The following EPB41 variants were observed in gnomAD, a reference collection of about 807,000 sequenced individuals.
EPB41 encodes erythrocyte membrane protein band 4.1.
EPB41 carries 65 observed loss-of-function variants against 108.0 expected under a neutral mutation model. That is an observed-to-expected ratio of 0.60 (90% CI 0.49 to 0.74). EPB41 has a LOEUF of 0.74. Among genes scored for constraint, EPB41 ranks in the 30% least tolerant of loss-of-function variants. EPB41 has a pLI of 0.00. For missense variants in EPB41, 875 were observed against 1,037.0 expected (o/e 0.84, Z 2.15); for synonymous variants, 336 against 358.9 (o/e 0.94, Z 0.72).
At chr1:28,966,209 A>G (rs2095354086) in intron 1 of EPB41, among the ~76,000 whole-genome samples, 1 of 151,962 alleles carries the variant, frequency 6.6e-6, no homozygotes, top group Non-Finnish European at 1.5e-5. Flanking sequence ...AGAAAAAATT[A>G]TTTTGTAATT....
In EPB41 at chr1:29,109,418, C is replaced by T; in HGVS notation, c.2396C>T (p.Thr799Ile). The change falls in exon 18 of 21, where the codon ACC becomes ATC. Residue 799 changes from threonine (T) to isoleucine (I), a missense_variant. Around this residue, in one of 3 missense-constraint regions of EPB41, gnomAD observed 519 missense variants for 627.3 expected, o/e 0.83. Transcript: ENST00000343067. Reference sequence around the variant, plus strand: ...ACATCTGAGACCCCAAGCAGCACCACCACAACTCAAATTACCAAGGTAACA... The same window carrying T: ...ACATCTGAGACCCCAAGCAGCACCATCACAACTCAAATTACCAAGGTAACA... ...TITSETPSST[T>I]TTQITKTVKG... is the part of the protein sequence containing the mutation. The T allele has an allele frequency of 1.9e-6, 3 of 1,614,102 alleles. No individual in the cohort carries two copies. Among genetic ancestry groups the T allele is most frequent in the Non-Finnish European group, 1.7e-6 (2 of 1,179,986 alleles).
chr1:29,020,315 C>T (rs1187218466), intron 7 of EPB41, among the ~76,000 whole-genome samples: 2 of 151,958 alleles, frequency 1.3e-5, no homozygotes, highest in Non-Finnish European at 2.9e-5. Context: ...GATCCACCTG[C>T]CTCGGCCTCC....
In EPB41 at chr1:29,022,339, A is replaced by C. The variant is rs561150804; in HGVS notation, c.1124+3897A>C. ...TGATAAGTTTCTACATTTCACATTG[A>C]AAATTATCTTTAAGAAACTGCCATT... is the stretch of plus-strand genomic sequence containing the variant. On this transcript the variant is annotated intron_variant, in intron 7 of 20. Transcript: ENST00000343067. Among the ~76,000 whole-genome samples the C allele has an allele frequency of 2.9e-3, 433 of 151,576 alleles. 2 individuals carry two copies. The highest frequency in any genetic ancestry group is 0.01 in the African/African-American group (415 of 41,300).
intron 17 of EPB41, among the ~76,000 whole-genome samples, chr1:29,099,074 C>A (rs548845576): frequency 6.7e-6 from 1 of 148,638 alleles, no homozygotes; most frequent in Non-Finnish European, 1.5e-5. Flanking sequence ...TTTGGGAGGC[C>A]GAGGCGGGCA....
At chr1:29,039,895 A>C (rs1264763266) in intron 11 of EPB41, among the ~76,000 whole-genome samples, 2 of 152,190 alleles carry the variant, frequency 1.3e-5, no homozygotes, top group Non-Finnish European at 2.9e-5. Context: ...AAGAAAAGGA[A>C]AATTGAGATT....
Position 29,035,992 on chromosome 1 carries a change from TA to T in EPB41, c.1463+73del, listed in dbSNP as rs1639279911. 3.2e-5 allele frequency: 39 copies of T among 1,218,626 alleles called. No homozygotes were observed. In the South Asian group the frequency reaches 4.9e-4, roughly 15 times the overall value. The allele number at this position is 1,218,626 out of a possible 1,614,324, so 75.5% of individuals were successfully genotyped here. A position where few individuals can be genotyped will look rare whatever the true frequency, so the allele number is the denominator to read the frequency against. ...AACGTTTCTATTTTAAGCCTGCTAT[TA>T]AAATTCCTTTCATTGTATGACTGGC... is the stretch of plus-strand genomic sequence containing the variant. On this transcript the variant is annotated intron_variant, in intron 10 of 20. Transcript: ENST00000343067.
chr1:29,065,655 A>G (rs1413918234), intron 16 of EPB41: 1 of 152,460 alleles, frequency 6.6e-6, no homozygotes, highest in Non-Finnish European at 1.5e-5. Context: ...TCAGAATTCC[A>G]AATATTAATG....
intron 1 of EPB41, among the ~76,000 whole-genome samples, chr1:28,947,400 CCGTCTCAGACAAACA>C (rs2094523987): frequency 7.3e-6 from 1 of 136,778 alleles, no homozygotes; most frequent in Non-Finnish European, 1.6e-5. Flanking sequence ...GAGCGAGACT[CCGTCTCAGACAAACA>C]AACAAACAAA....
chr1:28,913,400 C>T (rs1030869605), upstream of EPB41, among the ~76,000 whole-genome samples: 3 of 151,976 alleles, frequency 2.0e-5, no homozygotes, highest in East Asian at 1.9e-4. Context: ...ATTCCGGCAC[C>T]GCACTCCAGC....
At position 29,053,128 on chromosome 1, in the gene EPB41, G is replaced by A. The variant is rs556816482; in HGVS notation, c.1661G>A (p.Arg554Gln). 90 of 1,614,108 alleles carry A rather than the reference G, an allele frequency of 5.6e-5. No individual in the cohort carries two copies. Among genetic ancestry groups the A allele is most frequent in the African/African-American group, 2.5e-4 (19 of 75,016 alleles). ...DGAAAVDSAD[R>Q]SPRPTSAPAI... ...GCAGCAGCTGTCGATTCGGCAGACC[G>A]AAGTCCTCGGCCCACTTCTGCACCT... Residue 554 changes from arginine to glutamine, a missense_variant, in exon 12 of 21, where the codon CGA becomes CAA. By Grantham distance (43) the Arg-to-Gln change is conservative. This residue lies in a region of EPB41 where 519 missense variants were observed against 627.3 expected (regional missense o/e 0.83). Transcript: ENST00000343067.
At chr1:29,015,267 A>G (rs1572484227) in intron 5 of EPB41, among the ~76,000 whole-genome samples, 1 of 150,778 alleles carries the variant, frequency 6.6e-6, no homozygotes, top group African/African-American at 2.4e-5. Flanking sequence ...ATATAAAAAG[A>G]GAAATGTAGG....
At position 28,986,385 on chromosome 1, in the gene EPB41, G is replaced by A. The variant is rs181145084; in HGVS notation, c.-7-1046G>A. The stretch of plus-strand genomic sequence containing the variant: ...AAAGTAGACGTGACAATGCTCGTTG[G>A]CTGTTATTGTGAAGCTTGACTTATA... On this transcript the variant is annotated intron_variant, in intron 1 of 20. Coordinates refer to ENST00000343067, the MANE Select transcript of EPB41 (RefSeq NM_001376013.1). Among the ~76,000 whole-genome samples, 39 of 152,262 alleles carry A rather than the reference G, an allele frequency of 2.6e-4. 1 individual carries two copies. Among genetic ancestry groups the A allele is most frequent in the Admixed American group, 2.1e-3 (32 of 15,288 alleles).
chr1:28,901,024 G>A (rs948486537), intron 1 of EPB41, among the ~76,000 whole-genome samples: 2 of 151,936 alleles, frequency 1.3e-5, no homozygotes, highest in African/African-American at 2.4e-5. Flanking sequence ...CCGCCTCCCG[G>A]GTTCATGCCA....
rs1391785119 is a variant in EPB41, at chr1:29,118,083, T to A, written c.*1271T>A. 6.6e-6 allele frequency: 1 copy of A among 152,248 alleles called. No individual in the cohort carries two copies. The highest frequency in any genetic ancestry group is 2.4e-5 in the African/African-American group (1 of 41,460). The allele number at this position is 152,248 out of a possible 1,614,324, so 9.4% of individuals were successfully genotyped here. On this transcript the variant is annotated 3_prime_UTR_variant, in exon 21 of 21. Transcript: ENST00000343067. ...ATTTTTGAAAGTGAAGATGATGCCC[T>A]AATTCCTGGTAAGGATTTGGGGCAT...
chr1:28,889,893 CAG>C, intron 1 of EPB41: 1 of 952,506 alleles, frequency 1.0e-6, no homozygotes, highest in Non-Finnish European at 1.3e-6. Flanking sequence ...GGGCTCACCA[CAG>C]AGTTATGGTG....
At chr1:29,008,892 A>G (rs1314774574) in intron 4 of EPB41, among the ~76,000 whole-genome samples, 1 of 152,142 alleles carries the variant, frequency 6.6e-6, no homozygotes, top group Non-Finnish European at 1.5e-5. Context: ...TTGCCTGGCT[A>G]ACTCATTTGT....
At chr1:29,044,272 ATCCAGGTC>A (rs1011088702) in intron 11 of EPB41, among the ~76,000 whole-genome samples, 6 of 152,214 alleles carry the variant, frequency 3.9e-5, no homozygotes, top group Admixed American at 1.3e-4. Flanking sequence ...TATGACAAAA[ATCCAGGTC>A]TGTCTGATAG....
At chr1:29,091,528 G>A (rs1256614202) in intron 16 of EPB41, among the ~76,000 whole-genome samples, 1 of 152,170 alleles carries the variant, frequency 6.6e-6, no homozygotes, top group African/African-American at 2.4e-5. Flanking sequence ...CAGACCCTAG[G>A]ACATTATAGG....
At chr1:28,926,279 ATGTAGGTAT>A (rs370166480) in intron 1 of EPB41, among the ~76,000 whole-genome samples, 62 of 152,260 alleles carry the variant, frequency 4.1e-4, no homozygotes, top group African/African-American at 1.4e-3. Flanking sequence ...TCATTCTGTA[ATGTAGGTAT>A]GATACAAATA....
Sources: allele counts gnomAD v4.1 joint callset (sites outside exome capture counted in the v4.1 genomes callset), GRCh38; gene constraint gnomAD v4.1.1; regional missense constraint gnomAD v4.1.1; transcripts MANE v1.5; gene names NCBI Gene and HGNC (gene_info 2026-07-23, HGNC 2026-07-21).